Variants in CNTNAP2 observed in about 807,000 individuals in gnomAD.
CNTNAP2 encodes the protein contactin associated protein 2.
In CNTNAP2, 98 loss-of-function variants were observed where a neutral mutation model predicts 155.2. The ratio of observed to expected loss-of-function variants is 0.63; its 90% CI spans 0.54 to 0.75. The LOEUF is 0.75. Among genes scored for constraint, CNTNAP2 ranks in the 30% least tolerant of loss-of-function variants. The pLI is 0.00. For missense variants in CNTNAP2, 1,727 were observed against 1,688.1 expected, an observed-to-expected ratio of 1.02 and a Z score of -0.40; for synonymous variants, 651 against 631.2, an observed-to-expected ratio of 1.03 and a Z score of -0.47.
chr7:147,270,465 A>C (rs1804718665), intron 8 of CNTNAP2, among the ~76,000 whole-genome samples: 1 of 152,236 alleles, frequency 6.6e-6, no homozygotes, highest in African/African-American at 2.4e-5. Flanking sequence ...CTTTTATTAA[A>C]TGTGGCTACT....
intron 21 of CNTNAP2, among the ~76,000 whole-genome samples, chr7:148,307,424 A>G (rs886128473): frequency 1.3e-5 from 2 of 152,226 alleles, no homozygotes; most frequent in African/African-American, 2.4e-5. Flanking sequence ...GCTACTTCTC[A>G]GCACTCTCCA....
chr7:147,996,948 G>A (rs1801813122), intron 15 of CNTNAP2, among the ~76,000 whole-genome samples: 1 of 152,148 alleles, frequency 6.6e-6, no homozygotes, highest in South Asian at 2.1e-4. Context: ...GAGGCAATTA[G>A]GTCATGAGGC....
At chr7:147,735,938 C>T (rs1796835317) in intron 13 of CNTNAP2, among the ~76,000 whole-genome samples, 1 of 150,244 alleles carries the variant, frequency 6.7e-6, no homozygotes. Context: ...GATGGGTTTC[C>T]TGAATACAGC....
chr7:147,793,815 A>G (rs887458284), intron 13 of CNTNAP2, among the ~76,000 whole-genome samples: 3 of 152,046 alleles, frequency 2.0e-5, no homozygotes, highest in Admixed American at 2.0e-4. Context: ...ATGTGTTTTC[A>G]TTCATTCAGA....
chr7:147,008,738 G>C (rs1798570654), intron 3 of CNTNAP2, among the ~76,000 whole-genome samples: 1 of 152,094 alleles, frequency 6.6e-6, no homozygotes, highest in South Asian at 2.1e-4. Flanking sequence ...GCAAATTGTG[G>C]AAAGGCAAAT....
intron 3 of CNTNAP2, among the ~76,000 whole-genome samples, chr7:147,028,617 G>C (rs1798967247): frequency 1.3e-5 from 2 of 152,206 alleles, no homozygotes; most frequent in African/African-American, 4.8e-5. Context: ...CAGTTGGGTA[G>C]TAGACTGTGG....
intron 15 of CNTNAP2, among the ~76,000 whole-genome samples, chr7:148,098,190 A>G (rs1804012859): frequency 6.6e-6 from 1 of 152,056 alleles, no homozygotes; most frequent in Non-Finnish European, 1.5e-5. Flanking sequence ...TCACGCCTGT[A>G]GTCCCAGCAC....
chr7:146,823,279 GTA>G (rs1803327630), intron 2 of CNTNAP2, among the ~76,000 whole-genome samples: 1 of 148,880 alleles, frequency 6.7e-6, no homozygotes, highest in Admixed American at 6.7e-5. Context: ...ATAATTACAT[GTA>G]AATATACTCA....
intron 1 of CNTNAP2, among the ~76,000 whole-genome samples, chr7:146,285,949 T>TTTCC (rs1344304459): frequency 3.0e-5 from 1 of 32,982 alleles, no homozygotes; most frequent in Non-Finnish European, 5.4e-5. Context: ...CCCTCCCCCT[T>TTTCC]TTCCTTCCTT....
chr7:147,069,202 T>G (rs1799843542), intron 4 of CNTNAP2, among the ~76,000 whole-genome samples: 1 of 152,116 alleles, frequency 6.6e-6, no homozygotes, highest in Non-Finnish European at 1.5e-5. Context: ...ACCTCCAACA[T>G]TAGGAATTAC....
At chr7:146,691,186 A>C (rs1020013173) in intron 1 of CNTNAP2, among the ~76,000 whole-genome samples, 1 of 151,612 alleles carries the variant, frequency 6.6e-6, no homozygotes, top group African/African-American at 2.4e-5. Flanking sequence ...CTTCTTTAGG[A>C]AAATGCTGAG....
At chr7:147,906,667 C>G (rs1173896203) in intron 14 of CNTNAP2, among the ~76,000 whole-genome samples, 1 of 152,042 alleles carries the variant, frequency 6.6e-6, no homozygotes, top group Non-Finnish European at 1.5e-5. Flanking sequence ...ACCATGTTGG[C>G]CAGGCTGGTC....
intron 21 of CNTNAP2, among the ~76,000 whole-genome samples, chr7:148,353,473 G>A (rs1798462848): frequency 1.3e-5 from 2 of 152,164 alleles, no homozygotes; most frequent in Non-Finnish European, 1.5e-5. Flanking sequence ...AAGCTTTACT[G>A]TGGCAAAACC....
chr7:146,338,780 A>C (rs1254922988), intron 1 of CNTNAP2, among the ~76,000 whole-genome samples: 2 of 152,112 alleles, frequency 1.3e-5, no homozygotes, highest in Non-Finnish European at 2.9e-5. Flanking sequence ...ATGTGGTCAG[A>C]ATTAAGTTGC....
At chr7:147,414,602 A>G (rs1797157062) in intron 10 of CNTNAP2, among the ~76,000 whole-genome samples, 1 of 152,154 alleles carries the variant, frequency 6.6e-6, no homozygotes, top group South Asian at 2.1e-4. Flanking sequence ...TTAGTTATGA[A>G]TAAACAAACT....
At chr7:148,413,634 G>A (rs1009171285) in intron 23 of CNTNAP2, among the ~76,000 whole-genome samples, 2 of 151,246 alleles carry the variant, frequency 1.3e-5, no homozygotes, top group African/African-American at 2.4e-5. Flanking sequence ...CTGATTTTCT[G>A]TTCAATTGTT....
intron 21 of CNTNAP2, among the ~76,000 whole-genome samples, chr7:148,368,304 A>G (rs925379473): frequency 6.6e-6 from 1 of 152,220 alleles, no homozygotes; most frequent in African/African-American, 2.4e-5. Context: ...TTAGGTATTA[A>G]GTATAATCTG....
chr7:147,054,236 C>A (rs1405892079), intron 4 of CNTNAP2, among the ~76,000 whole-genome samples: 1 of 152,086 alleles, frequency 6.6e-6, no homozygotes, highest in Non-Finnish European at 1.5e-5. Context: ...AGGAGATATC[C>A]AGTAAGAAAA....
intron 15 of CNTNAP2, among the ~76,000 whole-genome samples, chr7:148,078,494 A>G (rs888891751): frequency 2.6e-5 from 4 of 151,162 alleles, no homozygotes; most frequent in Non-Finnish European, 4.4e-5. Flanking sequence ...GAATATATAT[A>G]TATTAGGCCG....
Sources: allele counts gnomAD v4.1 joint callset (sites outside exome capture counted in the v4.1 genomes callset), GRCh38; gene constraint gnomAD v4.1.1; transcripts MANE v1.5; gene names NCBI Gene and HGNC (gene_info 2026-07-23, HGNC 2026-07-21).